The following MGAT4C variants were observed in gnomAD, a reference collection of about 807,000 sequenced individuals.
The protein encoded by MGAT4C is MGAT4 family member C, also known as alpha-1,3-mannosyl-glycoprotein 4-beta-N-acetylglucosaminyltransferase C.
A neutral mutation model predicts 40.1 loss-of-function variants in MGAT4C; 19 were observed. The ratio of observed to expected loss-of-function variants is 0.47; its 90% CI spans 0.33 to 0.70. The LOEUF (loss-of-function observed/expected upper bound fraction) is 0.70. Among genes scored for constraint, MGAT4C ranks in the 30% least tolerant of loss-of-function variants. The pLI is 0.02. For synonymous variants in MGAT4C, 181 were observed against 187.1 expected (o/e 0.97, Z 0.27); for missense variants, 491 against 563.2 (o/e 0.87, Z 1.30).
chr12:86,648,906 C>T (rs1457190961), intron 2 of MGAT4C, among the ~76,000 whole-genome samples: 1 of 151,714 alleles, frequency 6.6e-6, no homozygotes, highest in Non-Finnish European at 1.5e-5. Context: ...AAATTGTTCT[C>T]TCTATAGATT....
chr12:86,492,126 A>G (rs1958149467), intron 2 of MGAT4C, among the ~76,000 whole-genome samples: 1 of 152,152 alleles, frequency 6.6e-6, no homozygotes, highest in African/African-American at 2.4e-5. Flanking sequence ...ACTACAAACC[A>G]CTGCTCAATG....
Position 86,631,650 on chromosome 12 carries a change from G to A in MGAT4C, c.-229+95559C>T, listed in dbSNP as rs190625502. Among the ~76,000 whole-genome samples, 1,332 of 152,044 alleles carry A rather than the reference G, an allele frequency of 8.8e-3. 10 individuals carry two copies. The highest frequency in any genetic ancestry group is 0.017 in the Middle Eastern group (5 of 294). On this transcript the variant is annotated intron_variant, in intron 2 of 7. Coordinates refer to the MGAT4C transcript ENST00000548651. ...GACAAACCTGACAAAAACAAGAAAT[G>A]GGGAAAGGATTCCCTATTTAATAAA...
chr12:86,275,589 C>G (rs922985297), intron 4 of MGAT4C, among the ~76,000 whole-genome samples: 3 of 151,980 alleles, frequency 2.0e-5, no homozygotes, highest in Non-Finnish European at 4.4e-5. Context: ...CAAATTGATC[C>G]AATGTAGTGA....
At chr12:86,388,257 A>G (rs1413517478) in intron 3 of MGAT4C, among the ~76,000 whole-genome samples, 9 of 152,188 alleles carry the variant, frequency 5.9e-5, no homozygotes, top group Non-Finnish European at 1.3e-4. Flanking sequence ...TCAAATATAC[A>G]TATTTTGGAG....
At chr12:86,208,787 C>T (rs867114048) in intron 1 of MGAT4C, among the ~76,000 whole-genome samples, 86 of 152,074 alleles carry the variant, frequency 5.7e-4, no homozygotes, top group African/African-American at 2.0e-3. Context: ...AACATAATCC[C>T]CAAATTCCAA....
chr12:86,755,212 C>A (rs540496140), intron 1 of MGAT4C, among the ~76,000 whole-genome samples: 12 of 152,106 alleles, frequency 7.9e-5, no homozygotes, highest in African/African-American at 2.9e-4. Context: ...AATAATTTTG[C>A]CTCAAATCTA....
chr12:86,124,969 T>C (rs1348105585), intron 1 of MGAT4C, among the ~76,000 whole-genome samples: 1 of 152,138 alleles, frequency 6.6e-6, no homozygotes, highest in Non-Finnish European at 1.5e-5. Context: ...TGAAGGAATA[T>C]AGGACGCTAC....
At chr12:86,462,208 T>C (rs1465554751) in intron 2 of MGAT4C, among the ~76,000 whole-genome samples, 1 of 152,232 alleles carries the variant, frequency 6.6e-6, no homozygotes, top group Non-Finnish European at 1.5e-5. Context: ...ACATAATGTT[T>C]CTTTAGCAAC....
intron 3 of MGAT4C, among the ~76,000 whole-genome samples, chr12:86,424,822 C>A (rs1452402839): frequency 6.6e-6 from 1 of 152,022 alleles, no homozygotes; most frequent in Non-Finnish European, 1.5e-5. Flanking sequence ...AGTGGTAGGA[C>A]CCCGGCTCAC....
upstream of MGAT4C, chr12:86,256,538 A>G (rs1952525429): frequency 2.6e-5 from 4 of 152,178 alleles, no homozygotes; most frequent in South Asian, 6.2e-4. Flanking sequence ...ATTTCTGACT[A>G]TAATTTCTGC....
chr12:86,299,684 A>G (rs1480565090), intron 4 of MGAT4C, among the ~76,000 whole-genome samples: 4 of 152,140 alleles, frequency 2.6e-5, no homozygotes, highest in Non-Finnish European at 5.9e-5. Context: ...TTACAACTGA[A>G]CTGTTTTTTG....
At chr12:86,796,797 C>A (rs991903597) in intron 1 of MGAT4C, among the ~76,000 whole-genome samples, 1 of 151,706 alleles carries the variant, frequency 6.6e-6, no homozygotes, top group Non-Finnish European at 1.5e-5. Flanking sequence ...GTTCTCACCA[C>A]AAAAATGATA....
At chr12:86,568,602 C>G (rs1005164279) in intron 2 of MGAT4C, among the ~76,000 whole-genome samples, 6 of 150,164 alleles carry the variant, frequency 4.0e-5, no homozygotes, top group Admixed American at 6.7e-5. Flanking sequence ...AACCCTAATA[C>G]AGACTCTAAA....
intron 2 of MGAT4C, among the ~76,000 whole-genome samples, chr12:86,563,171 T>C (rs188333828): frequency 2.0e-5 from 3 of 152,266 alleles, no homozygotes; most frequent in East Asian, 1.9e-4. Context: ...GTGATTTCTG[T>C]TCTCTGCATG....
intron 1 of MGAT4C, among the ~76,000 whole-genome samples, chr12:86,781,548 G>C (rs955712572): frequency 2.0e-5 from 3 of 151,962 alleles, no homozygotes; most frequent in South Asian, 4.2e-4. Flanking sequence ...GCTAATTTGA[G>C]TAAATGATAT....
intron 2 of MGAT4C, among the ~76,000 whole-genome samples, chr12:86,718,711 G>A (rs1303597129): frequency 1.3e-5 from 2 of 152,132 alleles, no homozygotes; most frequent in African/African-American, 4.8e-5. Flanking sequence ...AGATCAGCGG[G>A]GTCATTAGAT....
At chr12:86,356,528 T>C (rs1399438300) in intron 3 of MGAT4C, among the ~76,000 whole-genome samples, 5 of 152,080 alleles carry the variant, frequency 3.3e-5, no homozygotes, top group African/African-American at 1.2e-4. Context: ...AGGGCATCAC[T>C]TCACATGGGA....
At chr12:86,624,963 G>A (rs888869635) in intron 2 of MGAT4C, among the ~76,000 whole-genome samples, 7 of 151,906 alleles carry the variant, frequency 4.6e-5, no homozygotes, top group East Asian at 1.9e-4. Flanking sequence ...TAATCCCCAC[G>A]TGTCCAGGGA....
chr12:86,829,970 A>G (rs536243029), intron 1 of MGAT4C, among the ~76,000 whole-genome samples: 1 of 151,338 alleles, frequency 6.6e-6, no homozygotes, highest in South Asian at 2.1e-4. Flanking sequence ...TGCTGGATAT[A>G]TTTTAGAAGT....
Sources: allele counts gnomAD v4.1 joint callset (sites outside exome capture counted in the v4.1 genomes callset), GRCh38; gene constraint gnomAD v4.1.1; transcripts MANE v1.5; gene names NCBI Gene and HGNC (gene_info 2026-07-23, HGNC 2026-07-21).